The following ACVR1C variants were observed in gnomAD, a reference collection of about 807,000 sequenced individuals.
The protein encoded by ACVR1C is activin A receptor type 1C.
Under a neutral mutation model 57.9 loss-of-function variants are expected in ACVR1C, and 23 were observed. The observed-to-expected ratio is 0.40, with a 90% CI of 0.29 to 0.56. ACVR1C has a LOEUF of 0.56. ACVR1C is among the 20% of genes least tolerant of loss of function. ACVR1C has a pLI of 0.50. For synonymous variants in ACVR1C, 214 were observed against 215.3 expected (o/e 0.99, Z 0.05); for missense variants, 480 against 607.9 (o/e 0.79, Z 2.21).
intron 1 of ACVR1C, among the ~76,000 whole-genome samples, chr2:157,604,574 C>T (rs1234654180): frequency 6.6e-6 from 1 of 151,792 alleles, no homozygotes; most frequent in African/African-American, 2.4e-5. Context: ...AGTTTTATTT[C>T]TCTTTGCTAA....
At chr2:157,628,469 C>T (rs1175434353) in intron 1 of ACVR1C, 103 bp downstream of exon 1, 4 of 1,328,924 alleles carry the variant, frequency 3.0e-6, no homozygotes, top group Non-Finnish European at 2.1e-6. Context: ...CCCCGAAGGT[C>T]AGTTTGCTCG....
In ACVR1C at chr2:157,528,479, T is replaced by A. The variant is rs1361778661; in HGVS notation, c.*5439A>T. The A allele has an allele frequency of 6.6e-6, 1 of 152,176 alleles. No homozygotes were observed. Among genetic ancestry groups the A allele is most frequent in the Non-Finnish European group, 1.5e-5 (1 of 68,010 alleles). 9.4% of individuals were successfully genotyped at this position (152,176 alleles called of 1,614,324 possible). ...TACAGCTCATATTCTCTCGAATGTA[T>A]TCATCTACAACTGAAAGAGAAAAGT... On this transcript the variant is annotated 3_prime_UTR_variant, in exon 9 of 9. Coordinates refer to ENST00000243349, the MANE Select transcript of ACVR1C (RefSeq NM_145259.3).
intron 8 of ACVR1C, among the ~76,000 whole-genome samples, chr2:157,537,215 G>T (rs919079093): frequency 3.3e-5 from 5 of 151,816 alleles, no homozygotes; most frequent in Non-Finnish European, 5.9e-5. Flanking sequence ...CAAAAGCAAA[G>T]CAAGAAATTA....
chr2:157,542,862 C>T lies in ACVR1C; in HGVS notation c.944G>A (p.Gly315Asp), dbSNP rs1687654525. The T allele has an allele frequency of 6.2e-7, 1 of 1,613,308 alleles. No homozygotes were observed. Among genetic ancestry groups the T allele is most frequent in the South Asian group, 1.1e-5 (1 of 91,006 alleles). ...HLHMEIVGTQ[G>D]KPAIAHRDIK... Reference sequence around the variant, plus strand: ...GTCTCGATGAGCAATAGCAGGTTTACCTATGAAGCAAAGAAGAACATATTC... The same window carrying T: ...GTCTCGATGAGCAATAGCAGGTTTATCTATGAAGCAAAGAAGAACATATTC... Residue 315 changes from glycine to aspartate, a missense_variant and splice_region_variant, in exon 6 of 9, where the codon GGT becomes GAT. Transcript: ENST00000243349.
intron 1 of ACVR1C, among the ~76,000 whole-genome samples, chr2:157,615,235 G>C (rs2105152929): frequency 6.6e-6 from 1 of 151,966 alleles, no homozygotes; most frequent in South Asian, 2.1e-4. Flanking sequence ...GGGAGGCCAA[G>C]GCAGGAGGAT....
At chr2:157,593,378 GT>G (rs1689087130) in intron 1 of ACVR1C, among the ~76,000 whole-genome samples, 1 of 152,146 alleles carries the variant, frequency 6.6e-6, no homozygotes, top group Non-Finnish European at 1.5e-5. Flanking sequence ...TTTGTTTGGA[GT>G]CTATATGCTA....
chr2:157,551,285 G>A (rs901913312), intron 3 of ACVR1C, among the ~76,000 whole-genome samples: 11 of 152,020 alleles, frequency 7.2e-5, no homozygotes, highest in South Asian at 2.1e-4. Context: ...TACGCATCTC[G>A]CAGAGATGAT....
chr2:157,590,942 C>G (rs1392452633), intron 1 of ACVR1C, among the ~76,000 whole-genome samples: 2 of 151,900 alleles, frequency 1.3e-5, no homozygotes, highest in African/African-American at 4.8e-5. Flanking sequence ...AATAATATAT[C>G]TCCTCATAGT....
intron 3 of ACVR1C, among the ~76,000 whole-genome samples, chr2:157,554,209 A>AAGAAAGAAAGAAAGAAAGAGAGAG (rs1688002340): frequency 2.3e-5 from 2 of 87,988 alleles, no homozygotes; most frequent in African/African-American, 1.2e-4. Context: ...GAGAGAAAGA[A>AAGAAAGAAAGAAAGAAAGAGAGAG]AGAAAGAAAG....
chr2:157,604,961 GAA>G (rs1421376101), intron 1 of ACVR1C, among the ~76,000 whole-genome samples: 2 of 151,720 alleles, frequency 1.3e-5, no homozygotes, highest in African/African-American at 4.8e-5. Context: ...CCTCATCTAA[GAA>G]ATGTTGCCTA....
At chr2:157,550,093 T>C in intron 4 of ACVR1C, 69 bp downstream of exon 4, 1 of 1,402,952 alleles carries the variant, frequency 7.1e-7, no homozygotes, top group South Asian at 1.3e-5. Context: ...GACAACATTT[T>C]TTTTTTGAGA....
chr2:157,536,990 T>C (rs578184195), intron 8 of ACVR1C, among the ~76,000 whole-genome samples: 27 of 152,166 alleles, frequency 1.8e-4, no homozygotes, highest in Non-Finnish European at 3.2e-4. Flanking sequence ...CATCACCTCA[T>C]AGATATAGCA....
chr2:157,565,298 G>A (rs1354715410), intron 2 of ACVR1C, among the ~76,000 whole-genome samples: 6 of 151,978 alleles, frequency 3.9e-5, no homozygotes, highest in South Asian at 2.1e-4. Flanking sequence ...AACTTTTTTT[G>A]TCTAGTCCTC....
At position 157,628,835 on chromosome 2, in the gene ACVR1C, C is replaced by A. The variant is rs1042708636; in HGVS notation, c.-191G>T. The A allele has an allele frequency of 4.9e-4, 186 of 377,546 alleles. No homozygotes were observed. The highest frequency in any genetic ancestry group is 2.6e-3 in the African/African-American group (122 of 47,492). The allele number at this position is 377,546 out of a possible 1,614,324, so 23.4% of individuals were successfully genotyped here. On this transcript the variant is annotated 5_prime_UTR_variant, in exon 1 of 9. Coordinates refer to ENST00000243349, the MANE Select transcript of ACVR1C (RefSeq NM_145259.3). ...GGCCGCCCCCATCCCACGCCCCCTG[C>A]GGCTGGCGGTGCGCGGCGCTCCTGC...
chr2:157,613,044 AG>A (rs535662162), intron 1 of ACVR1C, among the ~76,000 whole-genome samples: 150 of 152,332 alleles, frequency 9.8e-4, no homozygotes, highest in African/African-American at 3.4e-3. Context: ...ATACAGGTAG[AG>A]GAGCTCTCCC....
At chr2:157,605,616 T>C (rs1002950593) in intron 1 of ACVR1C, among the ~76,000 whole-genome samples, 1 of 151,734 alleles carries the variant, frequency 6.6e-6, no homozygotes, top group Non-Finnish European at 1.5e-5. Flanking sequence ...TAAAATGGCA[T>C]AATATTTGCT....
chr2:157,573,787 T>C (rs1249511795), intron 2 of ACVR1C, among the ~76,000 whole-genome samples: 2 of 152,174 alleles, frequency 1.3e-5, no homozygotes, highest in African/African-American at 4.8e-5. Context: ...AGAAATCAAT[T>C]CTGTCACAAA....
chr2:157,539,365 G>A (rs1024782816), intron 7 of ACVR1C, among the ~76,000 whole-genome samples: 1 of 152,094 alleles, frequency 6.6e-6, no homozygotes, highest in Non-Finnish European at 1.5e-5. Flanking sequence ...AGACAAAGAC[G>A]ACCTCAATTA....
At chr2:157,599,336 A>C (rs1682226048) in intron 1 of ACVR1C, among the ~76,000 whole-genome samples, 1 of 136,826 alleles carries the variant, frequency 7.3e-6, no homozygotes, top group South Asian at 2.3e-4. Flanking sequence ...AAAAAAAAAA[A>C]AAAAAAAAAA....
Sources: allele counts gnomAD v4.1 joint callset (sites outside exome capture counted in the v4.1 genomes callset), GRCh38; gene constraint gnomAD v4.1.1; transcripts MANE v1.5; gene names NCBI Gene and HGNC (gene_info 2026-07-23, HGNC 2026-07-21).